FAM78B: variants seen among roughly 807,000 people sequenced by gnomAD.
FAM78B encodes the protein family with sequence similarity 78 member B, also known as protein FAM78B.
A neutral mutation model predicts 20.0 loss-of-function variants in FAM78B; 10 were observed. The ratio of observed to expected loss-of-function variants is 0.50; its 90% CI spans 0.31 to 0.85. The LOEUF is 0.85. Ranked by LOEUF, FAM78B falls within the 40% of genes least tolerant of loss-of-function variation. FAM78B has a pLI of 0.05. For missense variants in FAM78B, 283 were observed against 345.0 expected (o/e 0.82, Z 1.42); for synonymous variants, 135 against 132.8 (o/e 1.02, Z -0.12).
Position 166,061,619 on chromosome 1 carries a change from T to C in FAM78B, c.*410-956A>G, listed in dbSNP as rs181700539. Among the ~76,000 whole-genome samples, 175 of 152,256 alleles carry C rather than the reference T, an allele frequency of 1.1e-3. 1 individual carries two copies. In the East Asian group the frequency reaches 0.031, roughly 27 times the overall value. ...CTAGAAGACAATGCGCCATTACATA[T>C]ATAATTGGGGACGTAACAGCCTAGA... On this transcript the variant is annotated intron_variant and NMD_transcript_variant, in intron 2 of 2. Coordinates refer to the FAM78B transcript ENST00000435676.
intron 1 of FAM78B, among the ~76,000 whole-genome samples, chr1:166,079,410 C>T (rs1221786356): frequency 6.6e-6 from 1 of 152,198 alleles, no homozygotes; most frequent in Admixed American, 6.5e-5. Flanking sequence ...TCTATTCAGG[C>T]CTTTTCACTG....
chr1:166,155,209 G>A (rs568577726), intron 1 of FAM78B, among the ~76,000 whole-genome samples: 10 of 152,310 alleles, frequency 6.6e-5, no homozygotes, highest in Admixed American at 3.3e-4. Context: ...GCAATATCCT[G>A]AATACTTCCT....
chr1:166,134,349 CA>C (rs1654991687), intron 1 of FAM78B, among the ~76,000 whole-genome samples: 1 of 152,028 alleles, frequency 6.6e-6, no homozygotes, highest in African/African-American at 2.4e-5. Context: ...AAAAATGAAG[CA>C]GAAGTGCAGT....
chr1:166,105,954 G>T (rs374139706), intron 1 of FAM78B, among the ~76,000 whole-genome samples: 3 of 151,810 alleles, frequency 2.0e-5, no homozygotes, highest in South Asian at 4.2e-4. Flanking sequence ...TTGGAACCAA[G>T]CCAAATGTCC....
chr1:166,156,328 T>C (rs1407277067), intron 1 of FAM78B, among the ~76,000 whole-genome samples: 1 of 152,252 alleles, frequency 6.6e-6, no homozygotes, highest in African/African-American at 2.4e-5. Flanking sequence ...ACATCATAAA[T>C]GATGCCCTTA....
At chr1:166,099,172 A>G (rs1653402896) in intron 1 of FAM78B, among the ~76,000 whole-genome samples, 1 of 152,232 alleles carries the variant, frequency 6.6e-6, no homozygotes, top group Admixed American at 6.5e-5. Context: ...GGAAAGATAC[A>G]GTTGTTTTCA....
chr1:166,077,048 T>C (rs1415106061), intron 1 of FAM78B, among the ~76,000 whole-genome samples: 1 of 151,726 alleles, frequency 6.6e-6, no homozygotes, highest in Non-Finnish European at 1.5e-5. Flanking sequence ...TTTCAGGGAG[T>C]CAGCAGTGTC....
intron 1 of FAM78B, chr1:166,148,038 G>C (rs1557917481): frequency 6.6e-6 from 1 of 152,134 alleles, no homozygotes; most frequent in Non-Finnish European, 1.5e-5. Context: ...CTCCATTGTG[G>C]TACACTCTTC....
chr1:166,078,976 G>T (rs905634207), intron 1 of FAM78B, among the ~76,000 whole-genome samples: 5 of 149,342 alleles, frequency 3.3e-5, no homozygotes, highest in Non-Finnish European at 7.4e-5. Flanking sequence ...CTGTCACCCA[G>T]GCTAGAGCAC....
chr1:166,145,261 G>A (rs1266990464), intron 1 of FAM78B, among the ~76,000 whole-genome samples: 1 of 152,196 alleles, frequency 6.6e-6, no homozygotes, highest in African/African-American at 2.4e-5. Context: ...CATCAAAGCT[G>A]CTTCCATCAA....
chr1:166,099,733 TA>T (rs368135176), intron 1 of FAM78B, among the ~76,000 whole-genome samples: 6 of 152,208 alleles, frequency 3.9e-5, no homozygotes, highest in African/African-American at 1.2e-4. Flanking sequence ...ATCACAATTC[TA>T]AACATATATG....
chr1:166,159,551 A>G (rs907433649), intron 1 of FAM78B, among the ~76,000 whole-genome samples: 2 of 152,114 alleles, frequency 1.3e-5, no homozygotes, highest in African/African-American at 2.4e-5. Context: ...TTAACCTGGA[A>G]CATGATGCCT....
chr1:166,057,788 C>G (rs1027272889), exon 3 of FAM78B: 20 of 152,032 alleles, frequency 1.3e-4, no homozygotes, highest in African/African-American at 4.8e-4. Context: ...AGAGAGGACA[C>G]GTACAAGTAA....
In FAM78B at chr1:166,069,574, G is replaced by C. The variant is rs1651933304; in HGVS notation, c.*667C>G. The C allele has an allele frequency of 6.6e-6, 1 of 152,222 alleles. No homozygotes were observed. Among genetic ancestry groups the C allele is most frequent in the African/African-American group, 2.4e-5 (1 of 41,468 alleles). 9.4% of individuals were successfully genotyped at this position (152,222 alleles called of 1,614,324 possible). Reference sequence around the variant, plus strand: ...AAAGAGGTGGGTAGACGGAACTAATGAAGTGTTTCCGTTAGTTCACATCAG... The same window carrying C: ...AAAGAGGTGGGTAGACGGAACTAATCAAGTGTTTCCGTTAGTTCACATCAG... On this transcript the variant is annotated 3_prime_UTR_variant, in exon 2 of 2. Coordinates refer to ENST00000354422, the MANE Select transcript of FAM78B (RefSeq NM_001017961.5).
intron 1 of FAM78B, among the ~76,000 whole-genome samples, chr1:166,153,423 G>A (rs989139156): frequency 3.9e-5 from 6 of 152,238 alleles, no homozygotes; most frequent in African/African-American, 1.4e-4. Context: ...TGAACAAGTA[G>A]TTCAAAGGCA....
At chr1:166,124,941 A>G (rs575645564) in intron 1 of FAM78B, among the ~76,000 whole-genome samples, 1 of 152,128 alleles carries the variant, frequency 6.6e-6, no homozygotes, top group East Asian at 1.9e-4. Context: ...TCAGTACCCT[A>G]CACCCACCAG....
At chr1:166,103,830 G>A (rs1653648613) in intron 1 of FAM78B, among the ~76,000 whole-genome samples, 1 of 152,072 alleles carries the variant, frequency 6.6e-6, no homozygotes, top group Non-Finnish European at 1.5e-5. Flanking sequence ...AGAAAAAGAG[G>A]GTATCCTCCT....
intron 1 of FAM78B, among the ~76,000 whole-genome samples, chr1:166,136,259 A>T (rs1053576807): frequency 2.6e-5 from 4 of 152,218 alleles, no homozygotes; most frequent in African/African-American, 9.7e-5. Context: ...TCAATCTTTT[A>T]GCCATGCCTG....
intron 1 of FAM78B, among the ~76,000 whole-genome samples, chr1:166,155,681 CAG>C (rs1346745144): frequency 6.6e-6 from 1 of 152,176 alleles, no homozygotes; most frequent in Non-Finnish European, 1.5e-5. Flanking sequence ...AAGCTTGAAA[CAG>C]ATTCTCAAAT....
Sources: allele counts gnomAD v4.1 joint callset (sites outside exome capture counted in the v4.1 genomes callset), GRCh38; gene constraint gnomAD v4.1.1; transcripts MANE v1.5; gene names NCBI Gene and HGNC (gene_info 2026-07-23, HGNC 2026-07-21).